The following SLC4A5 variants were observed in gnomAD, a reference collection of about 807,000 sequenced individuals.
SLC4A5 encodes solute carrier family 4 member 5, also known as electrogenic sodium bicarbonate cotransporter 4.
A neutral mutation model predicts 120.4 loss-of-function variants in SLC4A5; 96 were observed. The observed-to-expected ratio is 0.80, with a 90% CI of 0.68 to 0.94. The LOEUF is 0.94. Among genes scored for constraint, SLC4A5 ranks in the 40% least tolerant of loss-of-function variants. The probability of loss-of-function intolerance (pLI) is 0.00; values close to 1 mark genes in which losing one functional copy is unlikely to be tolerated. For missense variants in SLC4A5, 1,259 were observed against 1,459.5 expected (o/e 0.86, Z 2.24); for synonymous variants, 550 against 571.1 (o/e 0.96, Z 0.53).
At position 74,316,380 on chromosome 2, in the gene SLC4A5, T is replaced by A. The variant is rs1371335955; in HGVS notation, c.-2-1355A>T. Among the ~76,000 whole-genome samples, 12 of 124,140 alleles carry A rather than the reference T, an allele frequency of 9.7e-5. No individual in the cohort carries two copies. The Admixed American group carries it at 1.0e-3, about 10-fold the overall frequency. The allele number at this position is 124,140 out of a possible 152,430, so 81.4% of individuals were successfully genotyped here. A position where few individuals can be genotyped will look rare whatever the true frequency, so the allele number is the denominator to read the frequency against. ...TAAACTAAAAATAAAATCCTAAGCC[T>A]CCCCACCAACTGAACAGACTCCCTC... On this transcript the variant is annotated intron_variant, in intron 5 of 30. Coordinates refer to ENST00000394019, the Ensembl canonical transcript of SLC4A5.
intron 8 of SLC4A5, among the ~76,000 whole-genome samples, chr2:74,282,653 T>A (rs1316277951): frequency 6.6e-6 from 1 of 152,214 alleles, no homozygotes; most frequent in Non-Finnish European, 1.5e-5. Flanking sequence ...ATCCACACTC[T>A]GAGAGAATAG....
At chr2:74,284,713 C>T (rs1300863531) in intron 8 of SLC4A5, among the ~76,000 whole-genome samples, 2 of 152,002 alleles carry the variant, frequency 1.3e-5, no homozygotes, top group Non-Finnish European at 2.9e-5. Context: ...GTCCCAAGGC[C>T]CCTTTGTCAC....
At chr2:74,266,724 T>C (rs1463794603) in intron 8 of SLC4A5, among the ~76,000 whole-genome samples, 1 of 152,104 alleles carries the variant, frequency 6.6e-6, no homozygotes, top group East Asian at 1.9e-4. Flanking sequence ...GCAAATATAC[T>C]AGAAGAGAAT....
At chr2:74,298,130 G>C (rs1054347124) in intron 7 of SLC4A5, among the ~76,000 whole-genome samples, 1 of 152,180 alleles carries the variant, frequency 6.6e-6, no homozygotes, top group Non-Finnish European at 1.5e-5. Context: ...TTTACTGTTG[G>C]TGTGAGGATT....
intron 30 of SLC4A5, among the ~76,000 whole-genome samples, chr2:74,219,351 C>T (rs1694549938): frequency 6.6e-6 from 1 of 152,156 alleles, no homozygotes; most frequent in African/African-American, 2.4e-5. Flanking sequence ...AGGCTACTCC[C>T]TCCCTGTGTA....
chr2:74,284,587 G>A (rs968581850), intron 8 of SLC4A5, among the ~76,000 whole-genome samples: 2 of 152,114 alleles, frequency 1.3e-5, no homozygotes, highest in African/African-American at 4.8e-5. Flanking sequence ...AAAGAAGGTG[G>A]AGAAATATCG....
Sources: allele counts gnomAD v4.1 joint callset (sites outside exome capture counted in the v4.1 genomes callset), GRCh38; gene constraint gnomAD v4.1.1; transcripts MANE v1.5; gene names NCBI Gene and HGNC (gene_info 2026-07-23, HGNC 2026-07-21).